MACROD2: variants seen among roughly 807,000 people sequenced by gnomAD.
MACROD2 encodes the protein mono-ADP ribosylhydrolase 2.
MACROD2 carries 36 observed loss-of-function variants against 70.4 expected under a neutral mutation model. That is an observed-to-expected ratio of 0.51 (90% CI 0.39 to 0.68). MACROD2 has a LOEUF of 0.68. MACROD2 is among the 30% of genes least tolerant of loss of function. The pLI is 0.00. For missense variants in MACROD2, 496 were observed against 538.4 expected (o/e 0.92, Z 0.78); for synonymous variants, 172 against 178.8 (o/e 0.96, Z 0.30).
intron 4 of MACROD2, among the ~76,000 whole-genome samples, chr20:14,657,829 T>G (rs1986047676): frequency 6.6e-6 from 1 of 152,170 alleles, no homozygotes; most frequent in African/African-American, 2.4e-5. Context: ...GCTCTGCCAA[T>G]AAGTAAAGCC....
intron 3 of MACROD2, among the ~76,000 whole-genome samples, chr20:14,463,443 G>A (rs1216791870): frequency 2.0e-5 from 3 of 152,012 alleles, no homozygotes; most frequent in African/African-American, 4.8e-5. Context: ...GGGCTGAGAT[G>A]ATGGGGTTTT....
chr20:14,220,670 G>A (rs1312603694), intron 3 of MACROD2, among the ~76,000 whole-genome samples: 2 of 152,248 alleles, frequency 1.3e-5, no homozygotes, highest in East Asian at 3.9e-4. Flanking sequence ...TGGCCTGCTA[G>A]GGTACCCAGC....
chr20:14,443,715 T>C (rs541349776), intron 3 of MACROD2, among the ~76,000 whole-genome samples: 1 of 152,170 alleles, frequency 6.6e-6, no homozygotes, highest in Non-Finnish European at 1.5e-5. Flanking sequence ...GTAGTAATTA[T>C]GCTTGAGTAG....
At chr20:15,931,001 G>A (rs528313699) in intron 10 of MACROD2, among the ~76,000 whole-genome samples, 1 of 152,266 alleles carries the variant, frequency 6.6e-6, no homozygotes, top group Admixed American at 6.5e-5. Flanking sequence ...TTCAAAGGAA[G>A]CTTGTCACCT....
At chr20:14,839,793 G>A (rs1177673031) in intron 5 of MACROD2, among the ~76,000 whole-genome samples, 5 of 152,080 alleles carry the variant, frequency 3.3e-5, no homozygotes, top group Non-Finnish European at 5.9e-5. Context: ...GCTGAATTCC[G>A]ATTATAGGTA....
intron 5 of MACROD2, among the ~76,000 whole-genome samples, chr20:14,967,534 G>T (rs1397058360): frequency 6.6e-6 from 1 of 152,092 alleles, no homozygotes; most frequent in Non-Finnish European, 1.5e-5. Context: ...ATCAGATATA[G>T]ACTGTGAATA....
chr20:15,062,261 A>G (rs2123083139), intron 5 of MACROD2, among the ~76,000 whole-genome samples: 1 of 152,306 alleles, frequency 6.6e-6, no homozygotes, highest in Admixed American at 6.5e-5. Context: ...GAGAAATAGG[A>G]TGGCTGAATT....
chr20:15,897,477 T>C (rs2064990975), intron 10 of MACROD2, among the ~76,000 whole-genome samples: 1 of 152,174 alleles, frequency 6.6e-6, no homozygotes, highest in Admixed American at 6.5e-5. Context: ...CACGTATCAC[T>C]GCACCAAATA....
At position 15,278,832 on chromosome 20, in the gene MACROD2, A is replaced by C. The variant is rs148413385; in HGVS notation, c.540+48771A>C. ...TTCATTAGGCATTAAATTCAGTCAA[A>C]TGAAGTAGTGATTTTGATTCCAAAA... is the stretch of plus-strand genomic sequence containing the variant. On this transcript the variant is annotated intron_variant, in intron 6 of 17. Transcript: ENST00000684519. Among the ~76,000 whole-genome samples, 17 of 152,308 alleles carry C rather than the reference A, an allele frequency of 1.1e-4. No homozygotes were observed. In the East Asian group the frequency reaches 3.3e-3, roughly 29 times the overall value.
intron 6 of MACROD2, among the ~76,000 whole-genome samples, chr20:15,386,817 G>C (rs370583474): frequency 4.7e-4 from 71 of 152,274 alleles, no homozygotes; most frequent in African/African-American, 1.6e-3. Flanking sequence ...TATTGAGTTA[G>C]AGCTGAACAA....
intron 5 of MACROD2, among the ~76,000 whole-genome samples, chr20:15,176,278 A>G (rs1013340970): frequency 1.3e-5 from 2 of 152,312 alleles, no homozygotes; most frequent in East Asian, 3.9e-4. Flanking sequence ...GAAGGCAGAC[A>G]GGCTCCTGGA....
At chr20:14,441,036 G>A (rs750389049) in intron 3 of MACROD2, among the ~76,000 whole-genome samples, 2 of 152,146 alleles carry the variant, frequency 1.3e-5, no homozygotes, top group African/African-American at 2.4e-5. Flanking sequence ...GAGCACTTGT[G>A]ATTACGGGAA....
intron 7 of MACROD2, among the ~76,000 whole-genome samples, chr20:15,473,976 G>A (rs896575373): frequency 6.6e-6 from 1 of 152,188 alleles, no homozygotes; most frequent in African/African-American, 2.4e-5. Flanking sequence ...GCCTAGATTT[G>A]AATCCTGGCT....
intron 3 of MACROD2, chr20:14,127,800 GA>G (rs1361123642): frequency 1.1e-5 from 5 of 452,838 alleles, no homozygotes; most frequent in Admixed American, 2.6e-5. Flanking sequence ...AGAGAAAATT[GA>G]AGAGAAAGGA....
rs531394925 is a variant in MACROD2 at position 14,136,424 on chromosome 20, A to T, written c.271+50696A>T. On this transcript the variant is annotated intron_variant, in intron 3 of 17. Transcript: ENST00000684519. ...TGCACTTGAATCACGTTCTTGCTAC[A>T]TATTATCTATGCAATCTCTGTTAAA... 4.6e-5 allele frequency among the ~76,000 whole-genome samples: 7 copies of T among 152,324 alleles called. No homozygotes were observed. The South Asian group carries it at 1.0e-3, about 23-fold the overall frequency.
At chr20:14,207,137 GCT>G (rs1188463946) in intron 3 of MACROD2, among the ~76,000 whole-genome samples, 1 of 151,560 alleles carries the variant, frequency 6.6e-6, no homozygotes, top group African/African-American at 2.4e-5. Context: ...ATGGAGTCTT[GCT>G]CTGTCACTCA....
At chr20:14,734,620 A>C (rs1157153686) in intron 5 of MACROD2, among the ~76,000 whole-genome samples, 1 of 152,046 alleles carries the variant, frequency 6.6e-6, no homozygotes, top group Non-Finnish European at 1.5e-5. Flanking sequence ...TCCAAAAAAC[A>C]ACTTTTTTTT....
intron 4 of MACROD2, among the ~76,000 whole-genome samples, chr20:14,545,671 T>C (rs903563012): frequency 1.3e-5 from 2 of 152,244 alleles, no homozygotes; most frequent in East Asian, 3.8e-4. Context: ...CTAAATGCTT[T>C]GTTTGTTAAA....
intron 2 of MACROD2, among the ~76,000 whole-genome samples, chr20:14,078,997 A>G (rs1370327511): frequency 6.6e-6 from 1 of 152,202 alleles, no homozygotes; most frequent in Non-Finnish European, 1.5e-5. Flanking sequence ...TCATAATGCC[A>G]ACTATTATTT....
Sources: gnomAD v4.1 joint callset for allele counts (sites outside exome capture counted in the v4.1 genomes callset) on GRCh38, gnomAD v4.1.1 for gene constraint, MANE v1.5 for transcripts, NCBI Gene and HGNC (gene_info 2026-07-23, HGNC 2026-07-21) for gene names.